Variants in TIAM1 observed in about 807,000 individuals in gnomAD.
The protein encoded by TIAM1 is rho guanine nucleotide exchange factor TIAM1.
Under a neutral mutation model 163.5 loss-of-function variants are expected in TIAM1, and 65 were observed. The observed-to-expected ratio is 0.40, with a 90% confidence interval of 0.33 to 0.49. TIAM1 has a LOEUF of 0.49. TIAM1 is among the 20% of genes least tolerant of loss of function. The pLI is 0.77. For synonymous variants in TIAM1, 833 were observed against 810.1 expected (o/e 1.03, Z -0.48); for missense variants, 1,789 against 2,044.7 (o/e 0.87, Z 2.41).
chr21:31,501,105 C>A (rs1050358473), intron 1 of TIAM1, among the ~76,000 whole-genome samples: 1 of 151,996 alleles, frequency 6.6e-6, no homozygotes, highest in Admixed American at 6.6e-5. Flanking sequence ...CCTCCCTGCC[C>A]CTCTCATATT....
In TIAM1 at chr21:31,141,440, G is replaced by A. The variant is rs1258419555; in HGVS notation, c.3540C>T (p.Ser1180=). 1 of 1,614,128 alleles carries A rather than the reference G, an allele frequency of 6.2e-7. No homozygotes were observed. The highest frequency in any genetic ancestry group is 8.5e-7 in the Non-Finnish European group (1 of 1,180,058). Residue 1180 remains serine (S), a synonymous_variant, in exon 21 of 28, where the codon TCC becomes TCT. Coordinates refer to ENST00000541036, the MANE Select transcript of TIAM1 (RefSeq NM_001353694.2). This position sits in a 1 kb window ranked among gnomAD's most constrained non-coding sequence, Gnocchi z 4.7. ...DAQNPKQQHS[S]TLESYLIKPI... ...GCTTGATGAGGTACGACTCCAGCGTGGATGAGTGCTGCTGCTTCGGGTTCT... is the reference window on the plus strand; with the variant it reads ...GCTTGATGAGGTACGACTCCAGCGTAGATGAGTGCTGCTGCTTCGGGTTCT...
intron 2 of TIAM1, among the ~76,000 whole-genome samples, chr21:31,462,853 C>T (rs2045384371): frequency 6.6e-6 from 1 of 151,974 alleles, no homozygotes; most frequent in Non-Finnish European, 1.5e-5. Context: ...AGCCATTCTC[C>T]TGCCTCAGCC....
chr21:31,392,514 G>A (rs1019956559), intron 2 of TIAM1, among the ~76,000 whole-genome samples: 11 of 146,148 alleles, frequency 7.5e-5, no homozygotes, highest in African/African-American at 2.8e-4. Flanking sequence ...AGGTTGTGGT[G>A]AGCTGAGATC....
chr21:31,364,760 C>T (rs1337906110), intron 2 of TIAM1, among the ~76,000 whole-genome samples: 2 of 152,068 alleles, frequency 1.3e-5, no homozygotes, highest in East Asian at 3.9e-4. Flanking sequence ...AGAATGGTGG[C>T]AGTTACAGCT....
At chr21:31,394,710 T>TCG (rs2077026643) in intron 2 of TIAM1, among the ~76,000 whole-genome samples, 2 of 110,366 alleles carry the variant, frequency 1.8e-5, no homozygotes, top group African/African-American at 3.6e-5. Context: ...TCTCTCTCGC[T>TCG]CTCTCTCTCT....
chr21:31,244,208 T>C (rs1161686322), intron 6 of TIAM1, among the ~76,000 whole-genome samples: 1 of 152,220 alleles, frequency 6.6e-6, no homozygotes, highest in East Asian at 1.9e-4. Flanking sequence ...ACTTTAATTG[T>C]CCAAATAGAA....
At chr21:31,270,603 T>C (rs544325346) in intron 3 of TIAM1, among the ~76,000 whole-genome samples, 31 of 152,364 alleles carry the variant, frequency 2.0e-4, no homozygotes, top group Admixed American at 1.8e-3. Flanking sequence ...CTTTTCTTTC[T>C]TTCCAATCTT....
chr21:31,153,056 T>TC lies in TIAM1; in HGVS notation c.3240+9dup, dbSNP rs1180278480. ...TGATGGTCACAAAGTTGAAACCATTTCCAGCATACCTCATCCTGGGTGAGA... is the reference window on the plus strand; with the variant it reads ...TGATGGTCACAAAGTTGAAACCATTTCCCAGCATACCTCATCCTGGGTGAGA... On this transcript the variant is annotated intron_variant, in intron 18 of 27. Coordinates refer to ENST00000541036, the MANE Select transcript of TIAM1 (RefSeq NM_001353694.2). The TC allele has an allele frequency of 6.2e-7, 1 of 1,611,446 alleles. No individual in the cohort carries two copies. Among genetic ancestry groups the TC allele is most frequent in the East Asian group, 2.2e-5 (1 of 44,864 alleles).
At chr21:31,361,042 G>A (rs542573141) in intron 2 of TIAM1, among the ~76,000 whole-genome samples, 2 of 152,310 alleles carry the variant, frequency 1.3e-5, no homozygotes, top group East Asian at 1.9e-4. Flanking sequence ...ACATGGACAT[G>A]AGTGCTGGGG....
chr21:31,330,028 T>C (rs2075628017), intron 2 of TIAM1, among the ~76,000 whole-genome samples: 1 of 152,192 alleles, frequency 6.6e-6, no homozygotes, highest in Non-Finnish European at 1.5e-5. Flanking sequence ...TAAACATATA[T>C]TGACACATCA....
Position 31,118,831 on chromosome 21 carries a change from G to T in TIAM1, c.*1537C>A. ...TCGAAGCCCTGGAAACCCGAAAGGCGGGGGGAATACAGGGTGGGAACGCAG... is the reference window on the plus strand; with the variant it reads ...TCGAAGCCCTGGAAACCCGAAAGGCTGGGGGAATACAGGGTGGGAACGCAG... On this transcript the variant is annotated 3_prime_UTR_variant, in exon 28 of 28. Transcript: ENST00000541036. The T allele has an allele frequency of 2.8e-6, 1 of 351,246 alleles. No individual in the cohort carries two copies. The highest frequency in any genetic ancestry group is 2.2e-5 in the African/African-American group (1 of 46,482). 21.8% of individuals were successfully genotyped at this position (351,246 alleles called of 1,614,324 possible). A position where few individuals can be genotyped will look rare whatever the true frequency, so the allele number is the denominator to read the frequency against.
intron 1 of TIAM1, among the ~76,000 whole-genome samples, chr21:31,489,491 G>A (rs1461331032): frequency 3.1e-5 from 4 of 130,914 alleles, no homozygotes; most frequent in Non-Finnish European, 6.4e-5. Flanking sequence ...GAAAGAAAGA[G>A]AGAGAGGGAG....
intron 2 of TIAM1, among the ~76,000 whole-genome samples, chr21:31,291,809 C>T (rs1348385058): frequency 6.6e-6 from 1 of 152,246 alleles, no homozygotes; most frequent in Non-Finnish European, 1.5e-5. Flanking sequence ...AGGCATGAGC[C>T]ACCGTGCCCA....
intron 2 of TIAM1, among the ~76,000 whole-genome samples, chr21:31,358,392 C>T (rs557983657): frequency 2.6e-4 from 40 of 152,228 alleles, no homozygotes; most frequent in Non-Finnish European, 4.9e-4. Flanking sequence ...AGATCCCCTC[C>T]GGTCTCATGA....
chr21:31,437,691 T>C (rs1159342548), intron 2 of TIAM1, among the ~76,000 whole-genome samples: 4 of 151,954 alleles, frequency 2.6e-5, no homozygotes, highest in African/African-American at 9.7e-5. Context: ...ATCTGGTTGT[T>C]TGAAAGTGTA....
intron 2 of TIAM1, chr21:31,452,602 T>TA: frequency 1.8e-6 from 1 of 561,710 alleles, no homozygotes; most frequent in Non-Finnish European, 3.3e-6. Context: ...AGCACTAAGT[T>TA]ATGTGCACCA....
At chr21:31,313,713 T>A (rs1035209468) in intron 2 of TIAM1, among the ~76,000 whole-genome samples, 18 of 152,156 alleles carry the variant, frequency 1.2e-4, no homozygotes, top group African/African-American at 4.3e-4. Context: ...TAACTGGGAT[T>A]TGCAAGCATG....
chr21:31,449,780 T>G (rs1009328292), intron 2 of TIAM1, among the ~76,000 whole-genome samples: 6 of 152,194 alleles, frequency 3.9e-5, no homozygotes, highest in African/African-American at 1.4e-4. Context: ...CAACTCCCTT[T>G]TCTTTCTATC....
chr21:31,500,543 GA>G (rs1361546700), intron 1 of TIAM1, among the ~76,000 whole-genome samples: 1 of 152,170 alleles, frequency 6.6e-6, no homozygotes, highest in African/African-American at 2.4e-5. Context: ...CTTGGAATAT[GA>G]CCTTATCTGG....
Sources: gnomAD v4.1 joint callset for allele counts (sites outside exome capture counted in the v4.1 genomes callset) on GRCh38, gnomAD v4.1.1 for gene constraint, Gnocchi (gnomAD v3.1) non-coding constraint, MANE v1.5 for transcripts, NCBI Gene and HGNC (gene_info 2026-07-23, HGNC 2026-07-21) for gene names.